Variants in UNC13C observed in about 807,000 individuals in gnomAD.
The protein encoded by UNC13C is protein unc-13 homolog C.
A neutral mutation model predicts 245.4 loss-of-function variants in UNC13C; 174 were observed. That is an observed-to-expected ratio of 0.71 (90% CI 0.63 to 0.80). The LOEUF (loss-of-function observed/expected upper bound fraction) is 0.80. UNC13C is among the 30% of genes least tolerant of loss of function. UNC13C has a pLI of 0.00. For synonymous variants in UNC13C, 992 were observed against 895.1 expected, an observed-to-expected ratio of 1.11 and a Z score of -1.93; for missense variants, 2,829 against 2,602.9, an observed-to-expected ratio of 1.09 and a Z score of -1.89.
chr15:54,285,822 A>G (rs557803302), intron 10 of UNC13C, among the ~76,000 whole-genome samples: 27 of 148,478 alleles, frequency 1.8e-4, no homozygotes, highest in East Asian at 1.4e-3. Context: ...TAATGAATAT[A>G]TATTTTTATA....
intron 4 of UNC13C, among the ~76,000 whole-genome samples, chr15:54,181,219 G>A (rs1385664505): frequency 2.0e-5 from 3 of 151,904 alleles, no homozygotes; most frequent in East Asian, 1.9e-4. Flanking sequence ...TCTGCATATG[G>A]CTACCTAGTT....
intron 13 of UNC13C, among the ~76,000 whole-genome samples, chr15:54,313,491 G>A (rs1357197336): frequency 1.3e-5 from 2 of 151,724 alleles, no homozygotes; most frequent in African/African-American, 4.8e-5. Flanking sequence ...TTGACTTTAA[G>A]AGTCTCTTTG....
chr15:54,542,683 C>A (rs911130521), intron 26 of UNC13C, among the ~76,000 whole-genome samples: 3 of 152,110 alleles, frequency 2.0e-5, no homozygotes, highest in Non-Finnish European at 4.4e-5. Context: ...CTGGGTGCTC[C>A]TGTATTGCGT....
intron 17 of UNC13C, among the ~76,000 whole-genome samples, chr15:54,389,356 C>A (rs958080778): frequency 6.6e-6 from 1 of 152,182 alleles, no homozygotes; most frequent in Non-Finnish European, 1.5e-5. Flanking sequence ...CATTTTCAAG[C>A]TTTACCCTAG....
intron 4 of UNC13C, among the ~76,000 whole-genome samples, chr15:54,161,515 A>C (rs573355854): frequency 7.9e-5 from 12 of 152,282 alleles, no homozygotes; most frequent in Admixed American, 1.3e-4. Context: ...GAGAGCATTA[A>C]TAACAACTGC....
intron 2 of UNC13C, among the ~76,000 whole-genome samples, chr15:54,056,740 C>T (rs1048705249): frequency 2.2e-4 from 33 of 152,154 alleles, no homozygotes; most frequent in Non-Finnish European, 2.8e-4. Flanking sequence ...AAGGGAAGCC[C>T]ATCAGACTAA....
chr15:53,956,875 A>ATGT, the UNC13C span, among the ~76,000 whole-genome samples: 1 of 139,814 alleles, frequency 7.2e-6, no homozygotes, highest in African/African-American at 2.6e-5. Context: ...GTTAAGCTCA[A>ATGT]GTGTGTGTGT....
chr15:54,170,081 T>C (rs2033337181), intron 4 of UNC13C, among the ~76,000 whole-genome samples: 1 of 151,198 alleles, frequency 6.6e-6, no homozygotes, highest in South Asian at 2.1e-4. Flanking sequence ...AAATATTATT[T>C]AAACATTGAA....
chr15:53,837,919 T>TA, the UNC13C span, among the ~76,000 whole-genome samples: 1 of 152,138 alleles, frequency 6.6e-6, no homozygotes, highest in East Asian at 1.9e-4. Flanking sequence ...TCTGAGTTTT[T>TA]AAAAAATCAA....
intron 26 of UNC13C, among the ~76,000 whole-genome samples, chr15:54,546,221 AG>A (rs1231527805): frequency 2.6e-5 from 4 of 152,226 alleles, no homozygotes; most frequent in African/African-American, 9.6e-5. Flanking sequence ...ACACAGGAAC[AG>A]AAAATGAAAC....
chr15:53,977,047 G>A (rs1015367246), upstream of UNC13C: 4 of 152,186 alleles, frequency 2.6e-5, no homozygotes, highest in Non-Finnish European at 1.5e-5. Context: ...TGCCACTCCC[G>A]TGATGAGTGA....
the UNC13C span, among the ~76,000 whole-genome samples, chr15:53,844,547 G>A: frequency 6.6e-6 from 1 of 152,188 alleles, no homozygotes; most frequent in East Asian, 1.9e-4. Context: ...TTAGGCTCCT[G>A]CACTCTCATA....
chr15:53,939,130 CA>C, the UNC13C span, among the ~76,000 whole-genome samples: 9 of 151,724 alleles, frequency 5.9e-5, no homozygotes, highest in Non-Finnish European at 8.8e-5. Flanking sequence ...AAGAATCAAA[CA>C]GATACAATCA....
At chr15:54,002,217 C>A (rs1000664935) in intron 1 of UNC13C, among the ~76,000 whole-genome samples, 2 of 151,890 alleles carry the variant, frequency 1.3e-5, no homozygotes, top group African/African-American at 2.4e-5. Flanking sequence ...ACCTGGGAGG[C>A]GGAGCTTGCA....
At chr15:54,460,701 G>C (rs988343005) in intron 19 of UNC13C, among the ~76,000 whole-genome samples, 1 of 152,336 alleles carries the variant, frequency 6.6e-6, no homozygotes, top group Non-Finnish European at 1.5e-5. Context: ...TGCAGCATTT[G>C]CAGTAGCAAG....
At chr15:54,060,495 TAAG>T (rs1367959850) in intron 2 of UNC13C, among the ~76,000 whole-genome samples, 1 of 152,182 alleles carries the variant, frequency 6.6e-6, no homozygotes, top group African/African-American at 2.4e-5. Flanking sequence ...TGTGGAGAAA[TAAG>T]AACACTTTTG....
At chr15:53,852,572 T>G in the UNC13C span, among the ~76,000 whole-genome samples, 1 of 152,176 alleles carries the variant, frequency 6.6e-6, no homozygotes, top group Non-Finnish European at 1.5e-5. Context: ...TAGCCACTTC[T>G]GCCTCTCTGA....
chr15:54,076,600 A>G (rs1051557483), intron 2 of UNC13C, among the ~76,000 whole-genome samples: 11 of 146,376 alleles, frequency 7.5e-5, no homozygotes, highest in Non-Finnish European at 1.5e-4. Flanking sequence ...TTTATTGGGT[A>G]GTGGAAATAG....
chr15:54,473,023 C>T (rs1175672045), intron 19 of UNC13C, among the ~76,000 whole-genome samples: 1 of 151,614 alleles, frequency 6.6e-6, no homozygotes, highest in Admixed American at 6.6e-5. Flanking sequence ...CCCCCACCCC[C>T]ACATCTAGTA....
Sources: gnomAD v4.1 joint callset for allele counts (sites outside exome capture counted in the v4.1 genomes callset) on GRCh38, gnomAD v4.1.1 for gene constraint, MANE v1.5 for transcripts, NCBI Gene and HGNC (gene_info 2026-07-23, HGNC 2026-07-21) for gene names.